The following SLC35G2 variants were observed in gnomAD, a reference collection of about 807,000 sequenced individuals.
The protein encoded by SLC35G2 is transmembrane protein 22.
Under a neutral mutation model 27.2 loss-of-function variants are expected in SLC35G2, and 20 were observed. The ratio of observed to expected loss-of-function variants is 0.74; its 90% confidence interval spans 0.52 to 1.07. The LOEUF (loss-of-function observed/expected upper bound fraction) is 1.07, where lower values mean the gene tolerates loss of function less well. SLC35G2 is among the 50% of genes least tolerant of loss of function. The pLI is 0.00. For synonymous variants in SLC35G2, 148 were observed against 165.3 expected (o/e 0.90, Z 0.80); for missense variants, 416 against 493.3 (o/e 0.84, Z 1.48).
At chr3:136,850,830 C>A (rs1288733438) in intron 1 of SLC35G2, among the ~76,000 whole-genome samples, 1 of 152,028 alleles carries the variant, frequency 6.6e-6, no homozygotes. Flanking sequence ...CCTGTCTCTA[C>A]AGAAAGTGTA....
At position 136,843,647 on chromosome 3, in the gene SLC35G2, A is replaced by G. The variant is rs551413526; in HGVS notation, c.-18-10796A>G. On this transcript the variant is annotated intron_variant, in intron 1 of 1. Coordinates refer to ENST00000446465, the MANE Select transcript of SLC35G2 (RefSeq NM_025246.3). Reference sequence around the variant, plus strand: ...GGCGACAGAGTGAGACCCTGTTTCAAAAAGGCTGGGCGCAGTGGCTCAAGG... The same window carrying G: ...GGCGACAGAGTGAGACCCTGTTTCAGAAAGGCTGGGCGCAGTGGCTCAAGG... Among the ~76,000 whole-genome samples, 3 of 150,302 alleles carry G rather than the reference A, an allele frequency of 2.0e-5. No individual in the cohort carries two copies. In the South Asian group the frequency reaches 6.4e-4, roughly 32 times the overall value.
intron 1 of SLC35G2, among the ~76,000 whole-genome samples, chr3:136,827,567 T>C (rs1936617218): frequency 6.6e-6 from 1 of 152,224 alleles, no homozygotes; most frequent in Admixed American, 6.5e-5. Context: ...TTTGAAGTTT[T>C]TCCTCTTTTT....
intron 1 of SLC35G2, among the ~76,000 whole-genome samples, chr3:136,845,843 C>T (rs944359021): frequency 5.3e-5 from 8 of 151,650 alleles, no homozygotes; most frequent in Non-Finnish European, 8.8e-5. Context: ...ATCTGCCCGC[C>T]TCGGCCTCCC....
chr3:136,827,553 C>T (rs533776349), intron 1 of SLC35G2, among the ~76,000 whole-genome samples: 2 of 152,198 alleles, frequency 1.3e-5, no homozygotes, highest in African/African-American at 2.4e-5. Flanking sequence ...TATTAGGTTA[C>T]GTATTTGAAG....
chr3:136,829,554 CTTTTCTTTCAGATTG>C (rs1298568107), intron 1 of SLC35G2, among the ~76,000 whole-genome samples: 2 of 152,130 alleles, frequency 1.3e-5, no homozygotes, highest in African/African-American at 4.8e-5. Context: ...GATTAATGTT[CTTTTCTTTCAGATTG>C]AAGAACTCCC....
At chr3:136,841,758 A>AATAG (rs1937108708) in intron 1 of SLC35G2, 1 of 151,310 alleles carries the variant, frequency 6.6e-6, no homozygotes, top group Non-Finnish European at 1.5e-5. Flanking sequence ...TAAATAAATA[A>AATAG]ATAAATAAAT....
intron 1 of SLC35G2, among the ~76,000 whole-genome samples, chr3:136,831,180 G>GGGT (rs1458218184): frequency 6.6e-6 from 1 of 152,194 alleles, no homozygotes; most frequent in African/African-American, 2.4e-5. Context: ...CTGCTGAGGA[G>GGGT]GGTGGTGGAC....
intron 1 of SLC35G2, among the ~76,000 whole-genome samples, chr3:136,830,826 TAA>T (rs930134087): frequency 1.3e-5 from 2 of 152,232 alleles, no homozygotes; most frequent in Non-Finnish European, 2.9e-5. Flanking sequence ...ATTCTGCTAT[TAA>T]GAGACTCTAA....
Position 136,854,058 on chromosome 3 carries a change from A to G in SLC35G2, c.-18-385A>G, listed in dbSNP as rs145167484. 2.3e-3 allele frequency among the ~76,000 whole-genome samples: 353 copies of G among 152,366 alleles called. 1 individual carries two copies. The highest frequency in any genetic ancestry group is 2.9e-3 in the Non-Finnish European group (200 of 68,038). On this transcript the variant is annotated intron_variant, in intron 1 of 1. Transcript: ENST00000446465. ...CTTAACTAATAATTTATAACAGGCA[A>G]ATGGACCCAATGAGAAGGAAAGGTT... is the stretch of plus-strand genomic sequence containing the variant.
At chr3:136,826,698 G>A (rs73230095) in intron 1 of SLC35G2, among the ~76,000 whole-genome samples, 11,258 of 151,926 alleles carry the variant, frequency 0.074, 438 homozygotes, top group Non-Finnish European at 0.095. Context: ...GTGCAGTGGT[G>A]CAGTCGTGAT....
chr3:136,835,880 G>A (rs571569686), intron 1 of SLC35G2, among the ~76,000 whole-genome samples: 1 of 152,236 alleles, frequency 6.6e-6, no homozygotes, highest in East Asian at 1.9e-4. Context: ...CAGCTCCTGT[G>A]TCCTTTTGGC....
chr3:136,855,580 G>A lies in SLC35G2; in HGVS notation c.1120G>A (p.Asp374Asn), dbSNP rs1393925118. Residue 374 changes from aspartate to asparagine, a missense_variant, in exon 2 of 2, where the codon GAT (aspartate) becomes AAT (asparagine). Asp to Asn is a conservative substitution (Grantham distance 23). Coordinates refer to ENST00000446465, the MANE Select transcript of SLC35G2 (RefSeq NM_025246.3). ...GCTGCACATATTTCCTAGCATCTATGATGTTTTTGGAGGGGTAATCATTAT... is the reference window on the plus strand; with the variant it reads ...GCTGCACATATTTCCTAGCATCTATAATGTTTTTGGAGGGGTAATCATTAT... Reference protein sequence around the residue: ...LVLHIFPSIYDVFGGVIIMIS... With the variant: ...LVLHIFPSIYNVFGGVIIMIS... The A allele has an allele frequency of 9.3e-6, 15 of 1,614,068 alleles. No individual in the cohort carries two copies. Among genetic ancestry groups the A allele is most frequent in the Non-Finnish European group, 1.3e-5 (15 of 1,179,974 alleles).
intron 1 of SLC35G2, among the ~76,000 whole-genome samples, chr3:136,829,443 A>T (rs1200820428): frequency 6.6e-6 from 1 of 151,828 alleles, no homozygotes; most frequent in Non-Finnish European, 1.5e-5. Context: ...GCTGGTTTTG[A>T]ACTCCTGACC....
intron 1 of SLC35G2, among the ~76,000 whole-genome samples, chr3:136,851,028 A>T (rs907284872): frequency 1.3e-5 from 2 of 152,178 alleles, no homozygotes; most frequent in African/African-American, 4.8e-5. Context: ...CACAGTGACT[A>T]GAAACAAAAT....
chr3:136,855,311 T>C lies in SLC35G2; in HGVS notation c.851T>C (p.Met284Thr), dbSNP rs369306276. 4.0e-5 allele frequency: 64 copies of C among 1,614,114 alleles called. No individual in the cohort carries two copies. The highest frequency in any genetic ancestry group is 5.3e-5 in the Non-Finnish European group (63 of 1,180,030). ...AGATCCATCAAGGAGAAGATCAGCA[T>C]GTGGACTGCACTGTTTACTTTTGGT... ...VYRSIKEKIS[M>T]WTALFTFGWT... Residue 284 changes from methionine (M) to threonine (T), a missense_variant, in exon 2 of 2, where the codon ATG (methionine) becomes ACG (threonine). By Grantham distance (81) the Met-to-Thr change is moderately conservative (BLOSUM62 -1). Transcript: ENST00000446465.
chr3:136,828,262 C>G (rs945726528), intron 1 of SLC35G2, among the ~76,000 whole-genome samples: 3 of 152,208 alleles, frequency 2.0e-5, no homozygotes, highest in Admixed American at 1.3e-4. Flanking sequence ...TCCATTTGTT[C>G]TATATTGCAG....
At chr3:136,829,177 A>C (rs368340517) in intron 1 of SLC35G2, among the ~76,000 whole-genome samples, 1 of 151,228 alleles carries the variant, frequency 6.6e-6, no homozygotes, top group Non-Finnish European at 1.5e-5. Flanking sequence ...ATAATATTCT[A>C]TGTTTTTCTA....
chr3:136,821,456 A>T (rs1344535172), intron 1 of SLC35G2, among the ~76,000 whole-genome samples: 2 of 151,570 alleles, frequency 1.3e-5, no homozygotes, highest in Non-Finnish European at 2.9e-5. Context: ...CAAAAAAAAA[A>T]TTTTTTTTTG....
rs1937920150 is a variant in SLC35G2, at chr3:136,854,999, C to T, written c.539C>T (p.Thr180Ile). Reference protein sequence around the residue: ...FYGVCNVISITCAYTSFSIVP... With the variant: ...FYGVCNVISIICAYTSFSIVP... ...GGTGTATGCAATGTCATTTCTATCA[C>T]TTGTGCTTATACATCATTTTCAATA... Residue 180 changes from threonine (T) to isoleucine (I), a missense_variant, in exon 2 of 2, where the codon ACT becomes ATT. Thr to Ile is a moderately conservative substitution (Grantham distance 89). Coordinates refer to ENST00000446465, the MANE Select transcript of SLC35G2 (RefSeq NM_025246.3). The T allele has an allele frequency of 6.2e-7, 1 of 1,614,096 alleles. No individual in the cohort carries two copies. The highest frequency in any genetic ancestry group is 1.3e-5 in the African/African-American group (1 of 74,952).
Sources: allele counts gnomAD v4.1 joint callset (sites outside exome capture counted in the v4.1 genomes callset), GRCh38; gene constraint gnomAD v4.1.1; transcripts MANE v1.5; gene names NCBI Gene and HGNC (gene_info 2026-07-23, HGNC 2026-07-21).